Variants in EMC2 observed in about 807,000 individuals in gnomAD.
EMC2 encodes the protein ER membrane protein complex subunit 2.
In EMC2, 37 loss-of-function variants were observed where a neutral mutation model predicts 51.6. That is an observed-to-expected ratio of 0.72 (90% confidence interval 0.55 to 0.94). The LOEUF (loss-of-function observed/expected upper bound fraction) is 0.94, where lower values mean the gene tolerates loss of function less well. Ranked by LOEUF, EMC2 falls within the 40% of genes least tolerant of loss-of-function variation. The pLI, the probability that EMC2 is intolerant of heterozygous loss-of-function variation, is 0.00. For synonymous variants in EMC2, 131 were observed against 112.4 expected (o/e 1.17, Z -1.04); for missense variants, 359 against 350.9 (o/e 1.02, Z -0.18).
chr8:108,472,989 C>T (rs1810884618), intron 7 of EMC2, among the ~76,000 whole-genome samples: 1 of 151,882 alleles, frequency 6.6e-6, no homozygotes, highest in Non-Finnish European at 1.5e-5. Flanking sequence ...GCTGGCACTA[C>T]AGGTGTGTCA....
intron 1 of EMC2, among the ~76,000 whole-genome samples, chr8:108,448,390 A>G (rs937813505): frequency 2.6e-5 from 4 of 152,030 alleles, no homozygotes; most frequent in Non-Finnish European, 4.4e-5. Context: ...TCCCCACCCA[A>G]ATCTCATCTT....
At chr8:108,465,277 A>T (rs569112827) in intron 5 of EMC2, among the ~76,000 whole-genome samples, 5 of 152,304 alleles carry the variant, frequency 3.3e-5, no homozygotes, top group African/African-American at 1.2e-4. Flanking sequence ...TTACAGGAGC[A>T]TGACTCTTCC....
chr8:108,459,721 A>AGAGAGAGAGAGAGT (rs763020311), intron 5 of EMC2, among the ~76,000 whole-genome samples: 59 of 136,968 alleles, frequency 4.3e-4, no homozygotes, highest in African/African-American at 1.5e-3. Flanking sequence ...AGAGAGAGAG[A>AGAGAGAGAGAGAGT]GTGTGTGTGT....
In EMC2 at chr8:108,476,748, TAAAC is replaced by T. The variant is rs563549809; in HGVS notation, c.592-32_592-29del. On this transcript the variant is annotated intron_variant, in intron 8 of 10. Transcript: ENST00000220853. ...CATGCTATATTTCAAAGTAGTAAAATAAACAGTTTTCAGCACTTTGCAATTTTTA... is the reference window on the plus strand; with the variant it reads ...CATGCTATATTTCAAAGTAGTAAAATAGTTTTCAGCACTTTGCAATTTTTA... 6.7e-3 allele frequency: 6,093 copies of T among 906,160 alleles called. 33 individuals carry two copies. The highest frequency in any genetic ancestry group is 9.4e-3 in the Non-Finnish European group (5,075 of 537,518). The allele number at this position is 906,160 out of a possible 1,614,324, so 56.1% of individuals were successfully genotyped here. A position where few individuals can be genotyped will look rare whatever the true frequency, so the allele number is the denominator to read the frequency against.
intron 1 of EMC2, 107 bp downstream of exon 1, chr8:108,443,805 C>T: frequency 1.0e-6 from 1 of 977,346 alleles, no homozygotes. Context: ...TTTTTGGTAC[C>T]AGAGCCCTCA....
chr8:108,446,823 GTATT>G (rs1186940227), intron 1 of EMC2, among the ~76,000 whole-genome samples: 4 of 152,168 alleles, frequency 2.6e-5, no homozygotes, highest in African/African-American at 7.2e-5. Flanking sequence ...TGCTACAAAT[GTATT>G]TATTACAGCA....
chr8:108,469,986 A>G, intron 6 of EMC2, 75 bp downstream of exon 6: 1 of 1,541,776 alleles, frequency 6.5e-7, no homozygotes, highest in Middle Eastern at 1.7e-4. Context: ...TTTGCATTTG[A>G]TTTTCCTGTT....
intron 5 of EMC2, among the ~76,000 whole-genome samples, chr8:108,468,553 C>T (rs1445714265): frequency 3.3e-5 from 5 of 151,892 alleles, no homozygotes; most frequent in Non-Finnish European, 7.4e-5. Flanking sequence ...TGCTCTGACC[C>T]TTATTTATTA....
At chr8:108,444,155 C>G (rs17336239) in intron 1 of EMC2, among the ~76,000 whole-genome samples, 3,988 of 152,328 alleles carry the variant, frequency 0.026, 78 homozygotes, top group Non-Finnish European at 0.041. Flanking sequence ...GATGCGTGAA[C>G]AAATGTGATT....
intron 5 of EMC2, among the ~76,000 whole-genome samples, chr8:108,462,131 C>A (rs1210787819): frequency 6.6e-6 from 1 of 151,890 alleles, no homozygotes; most frequent in East Asian, 1.9e-4. Flanking sequence ...AATGATTTTT[C>A]TGTGTGATCT....
chr8:108,485,487 A>G (rs1191853162), intron 10 of EMC2, among the ~76,000 whole-genome samples: 1 of 145,062 alleles, frequency 6.9e-6, no homozygotes, highest in Non-Finnish European at 1.5e-5. Context: ...ACATATATAT[A>G]TAAAATATAT....
chr8:108,464,563 G>T (rs1304574973), intron 5 of EMC2, among the ~76,000 whole-genome samples: 1 of 152,232 alleles, frequency 6.6e-6, no homozygotes, highest in African/African-American at 2.4e-5. Context: ...TGTCCCAAGT[G>T]GTTGTGGATA....
chr8:108,477,751 A>G (rs184091586), intron 9 of EMC2, among the ~76,000 whole-genome samples: 1 of 152,236 alleles, frequency 6.6e-6, no homozygotes, highest in East Asian at 1.9e-4. Context: ...CTCTGTATCA[A>G]ATAAATACTA....
intron 1 of EMC2, among the ~76,000 whole-genome samples, chr8:108,447,218 A>G (rs1458463693): frequency 1.8e-5 from 1 of 57,100 alleles, no homozygotes; most frequent in Admixed American, 1.8e-4. Flanking sequence ...CTGCCCCCCC[A>G]CCCCCAACAG....
intron 7 of EMC2, among the ~76,000 whole-genome samples, chr8:108,473,424 T>C (rs889670539): frequency 6.6e-6 from 1 of 152,030 alleles, no homozygotes; most frequent in Non-Finnish European, 1.5e-5. Flanking sequence ...GTTCAACCAG[T>C]AAGAATGCAG....
rs1432001087 is a variant in EMC2 at position 108,486,678 on chromosome 8, C to G, written c.*80C>G. 7.2e-7 allele frequency: 1 copy of G among 1,387,780 alleles called. No individual in the cohort carries two copies. Among genetic ancestry groups the G allele is most frequent in the Non-Finnish European group, 9.8e-7 (1 of 1,021,968 alleles). The allele number at this position is 1,387,780 out of a possible 1,614,324, so 86.0% of individuals were successfully genotyped here. The stretch of plus-strand genomic sequence containing the variant: ...GCCTGTAACTTATTTACTAAATGCT[C>G]AGTGCTATTTATATACTACAGTAAT... On this transcript the variant is annotated 3_prime_UTR_variant, in exon 11 of 11. Transcript: ENST00000220853.
rs918700003 is a variant in EMC2 at position 108,487,626 on chromosome 8, T to C, written c.*1028T>C. On this transcript the variant is annotated 3_prime_UTR_variant, in exon 11 of 11. Coordinates refer to ENST00000220853, the MANE Select transcript of EMC2 (RefSeq NM_014673.5). ...AAATATTTATGGTATTTGTTTATAA[T>C]AAATATATTTAAATTTATTTTTACT... 1.3e-5 allele frequency among the ~76,000 whole-genome samples: 2 copies of C among 151,900 alleles called. No homozygotes were observed. Among genetic ancestry groups the C allele is most frequent in the Non-Finnish European group, 2.9e-5 (2 of 67,934 alleles).
At chr8:108,482,737 C>T (rs1249756922) in intron 10 of EMC2, among the ~76,000 whole-genome samples, 2 of 152,022 alleles carry the variant, frequency 1.3e-5, no homozygotes, top group Non-Finnish European at 2.9e-5. Context: ...ACGCATGTCA[C>T]CGTGCTCGGC....
chr8:108,481,602 A>T (rs999339345), intron 10 of EMC2, among the ~76,000 whole-genome samples: 5 of 152,216 alleles, frequency 3.3e-5, no homozygotes, highest in Non-Finnish European at 7.4e-5. Flanking sequence ...AATTAATAAC[A>T]TAGAAATAAG....
Sources: gnomAD v4.1 joint callset for allele counts (sites outside exome capture counted in the v4.1 genomes callset) on GRCh38, gnomAD v4.1.1 for gene constraint, MANE v1.5 for transcripts, NCBI Gene and HGNC (gene_info 2026-07-23, HGNC 2026-07-21) for gene names.